The following NLRP10 variants were observed in gnomAD, a reference collection of about 807,000 sequenced individuals.
NLRP10 encodes the protein NACHT, LRR and PYD domains-containing protein 10.
In NLRP10, 7 loss-of-function variants were observed where a neutral mutation model predicts 8.2. That is an observed-to-expected ratio of 0.85 (90% CI 0.48 to 1.60). The LOEUF (loss-of-function observed/expected upper bound fraction) is 1.60, where lower values mean the gene tolerates loss of function less well. NLRP10 is among the 40% of genes most tolerant of loss of function. The pLI, the probability that NLRP10 is intolerant of heterozygous loss-of-function variation, is 0.00. For synonymous variants in NLRP10, 338 were observed against 314.0 expected (o/e 1.08, Z -0.81); for missense variants, 814 against 776.3 (o/e 1.05, Z -0.58).
chr11:7,960,798 T>C lies in NLRP10; in HGVS notation c.814A>G (p.Ser272Gly). ...LKKRGLSPKE[S>G]LLHLLIRRHT... Reference sequence around the variant, plus strand: ...CTCCTAATTAGAAGGTGCAGCAGGCTCTCCTTGGGACTCAAACCCCTCTTC... The same window carrying C: ...CTCCTAATTAGAAGGTGCAGCAGGCCCTCCTTGGGACTCAAACCCCTCTTC... The change falls in exon 3 of 3, where the codon AGC becomes GGC. Residue 272 changes from serine to glycine, a missense_variant. Coordinates refer to ENST00000691676, the MANE Select transcript of NLRP10 (RefSeq NM_001391958.1). 1.9e-6 allele frequency: 3 copies of C among 1,614,024 alleles called. No homozygotes were observed. The highest frequency in any genetic ancestry group is 2.5e-6 in the Non-Finnish European group (3 of 1,179,994).
chr11:7,959,725 A>T lies in NLRP10; in HGVS notation c.1887T>A (p.Asp629Glu), dbSNP rs199475856. The change falls in exon 3 of 3, where the codon GAT becomes GAA. Residue 629 changes from aspartate to glutamate, a missense_variant. Transcript: ENST00000691676. The stretch of plus-strand genomic sequence containing the variant: ...CTTCCTTTTGTGTTCCTGCTATATT[A>T]TCTTTGCCCTCCTTCTGTCCATGGA... ...PSVHGQKEGK[D>E]NIAGTQKEAS... The T allele has an allele frequency of 2.5e-6, 4 of 1,611,674 alleles. No individual in the cohort carries two copies. The highest frequency in any genetic ancestry group is 3.4e-6 in the Non-Finnish European group (4 of 1,179,498).
Position 7,960,018 on chromosome 11 carries a change from T to C in NLRP10, c.1594A>G (p.Lys532Glu). The change falls in exon 3 of 3, where the codon AAG (lysine) becomes GAG (glutamate). Residue 532 changes from lysine to glutamate, a missense_variant. By Grantham distance (56) the Lys-to-Glu change is moderately conservative. Transcript: ENST00000691676. ...KKDSFSNLEL[K>E]FCFRISPCLA... ...CAGGGAGAAATTCTGAAGCAGAACT[T>C]GAGCTCCAAGTTCGAGAAGCTGTCT... The C allele has an allele frequency of 6.2e-7, 1 of 1,613,978 alleles. No individual in the cohort carries two copies. The highest frequency in any genetic ancestry group is 8.5e-7 in the Non-Finnish European group (1 of 1,179,868).
In NLRP10 at chr11:7,963,533, C is replaced by G; in HGVS notation, c.-38G>C. ...GAAGGATCAAGTCCAGACCAGAAGA[C>G]CAGTGACCTGGAGAAAGAGGCAAAA... is the stretch of plus-strand genomic sequence containing the variant. On this transcript the variant is annotated 5_prime_UTR_variant, in exon 2 of 3. Transcript: ENST00000691676. The G allele has an allele frequency of 6.4e-7, 1 of 1,564,934 alleles. No homozygotes were observed. The highest frequency in any genetic ancestry group is 1.4e-5 in the African/African-American group (1 of 73,426).
rs149645436 is a variant in NLRP10, at chr11:7,963,370, G to T, written c.126C>A (p.Pro42=). 3.7e-6 allele frequency: 6 copies of T among 1,613,954 alleles called. No homozygotes were observed. In the African/African-American group the frequency reaches 8.0e-5, roughly 22 times the overall value. Residue 42 remains proline, a synonymous_variant, in exon 2 of 3, where the codon CCC becomes CCA. Transcript: ENST00000691676. ...LRDMTLSEGQ[P]PLARGELEGL... ...CCTCCAACTCCCCTCTGGCCAGTGG[G>T]GGCTGGCCCTCAGACAGGGTCATAT...
At position 7,958,862 on chromosome 11, in the gene NLRP10, AT is replaced by A. The variant is rs952126060; in HGVS notation, c.*781del. On this transcript the variant is annotated 3_prime_UTR_variant, in exon 3 of 3. Coordinates refer to ENST00000691676, the MANE Select transcript of NLRP10 (RefSeq NM_001391958.1). ...TTATTGAGTTTTAAGAGCTATTTGT[AT>A]TTTTTTTTACCCAAGTCTTTTATCA... 2.6e-5 allele frequency among the ~76,000 whole-genome samples: 4 copies of A among 151,144 alleles called. No individual in the cohort carries two copies. Among genetic ancestry groups the A allele is most frequent in the African/African-American group, 9.7e-5 (4 of 41,166 alleles).
chr11:7,962,231 CTTTTTTTTT>C (rs71452435), intron 2 of NLRP10, among the ~76,000 whole-genome samples: 15 of 66,994 alleles, frequency 2.2e-4, no homozygotes, highest in South Asian at 7.8e-4. Context: ...TAAGCCTGTT[CTTTTTTTTT>C]TTTTTTTTTT....
At chr11:7,962,147 C>T (rs570208028) in intron 2 of NLRP10, among the ~76,000 whole-genome samples, 1 of 151,604 alleles carries the variant, frequency 6.6e-6, no homozygotes, top group Admixed American at 6.6e-5. Context: ...AAACCATGAG[C>T]CAAATAAACC....
chr11:7,960,403 C>T lies in NLRP10; in HGVS notation c.1209G>A (p.Glu403=). ...TCCTCAGGACCCTGTGCCGGGAAAG[C>T]TCGGAGCAGCCCCCATCATCATCGG... The part of the protein sequence containing the change: ...LPPDDDGGCS[E]LSRHRVLRSL... Residue 403 remains glutamate (E), a synonymous_variant, in exon 3 of 3, where the codon GAG becomes GAA. Transcript: ENST00000691676. The T allele has an allele frequency of 1.2e-6, 2 of 1,614,072 alleles. No individual in the cohort carries two copies. The highest frequency in any genetic ancestry group is 8.5e-7 in the Non-Finnish European group (1 of 1,180,040).
chr11:7,963,619 C>G (rs747691164), intron 1 of NLRP10, 79 bp from the exon 2 acceptor site: 1 of 770,400 alleles, frequency 1.3e-6, no homozygotes, highest in Admixed American at 2.9e-5. Flanking sequence ...AGTTATAGAG[C>G]GGAGGCCAGG....
intron 2 of NLRP10, among the ~76,000 whole-genome samples, chr11:7,962,864 G>C (rs77042198): frequency 0.022 from 3,288 of 152,226 alleles, 56 homozygotes; most frequent in Non-Finnish European, 0.03. Context: ...CCTACATCCT[G>C]ATGCTATTTC....
At chr11:7,964,123 T>C (rs560805268) in intron 1 of NLRP10, among the ~76,000 whole-genome samples, 197 of 152,194 alleles carry the variant, frequency 1.3e-3, no homozygotes, top group African/African-American at 4.6e-3. Flanking sequence ...GGTTTCACCA[T>C]ACGGGCCCGG....
chr11:7,960,390 T>A lies in NLRP10; in HGVS notation c.1222A>T (p.Arg408Trp). The change falls in exon 3 of 3, where the codon AGG becomes TGG. Residue 408 changes from arginine to tryptophan, a missense_variant. Coordinates refer to ENST00000691676, the MANE Select transcript of NLRP10 (RefSeq NM_001391958.1). ...DGGCSELSRH[R>W]VLRSLCSLAA... Reference sequence around the variant, plus strand: ...AGGGAGCACAGACTCCTCAGGACCCTGTGCCGGGAAAGCTCGGAGCAGCCC... The same window carrying A: ...AGGGAGCACAGACTCCTCAGGACCCAGTGCCGGGAAAGCTCGGAGCAGCCC... 6.2e-7 allele frequency: 1 copy of A among 1,614,050 alleles called. No homozygotes were observed. Among genetic ancestry groups the A allele is most frequent in the Non-Finnish European group, 8.5e-7 (1 of 1,180,034 alleles).
Position 7,960,307 on chromosome 11 carries a change from T to A in NLRP10, c.1305A>T (p.Lys435Asn), listed in dbSNP as rs113717245. ...RFLFEEAELR[K>N]HNLDGPRLAA... Reference sequence around the variant, plus strand: ...CAAGCCTGGGGCCATCTAAATTATGTTTCCTGAGCTCAGCTTCTTCAAATA... The same window carrying A: ...CAAGCCTGGGGCCATCTAAATTATGATTCCTGAGCTCAGCTTCTTCAAATA... The change falls in exon 3 of 3, where the codon AAA becomes AAT. Residue 435 changes from lysine to asparagine, a missense_variant. Lys to Asn is a moderately conservative substitution (Grantham distance 94). Coordinates refer to ENST00000691676, the MANE Select transcript of NLRP10 (RefSeq NM_001391958.1). 6.7e-4 allele frequency: 1,075 copies of A among 1,614,184 alleles called. 5 individuals carry two copies. In the African/African-American group the frequency reaches 0.012, roughly 18 times the overall value.
Position 7,960,542 on chromosome 11 carries a change from C to T in NLRP10, c.1070G>A (p.Cys357Tyr). The stretch of plus-strand genomic sequence containing the variant: ...CTGCAGCCAGGAGCAGACCACCCAG[C>T]AAATGCCTGGAACCTGACACGCTTT... ...LYKACQVPGI[C>Y]WVVCSWLQGQ... Residue 357 changes from cysteine (C) to tyrosine (Y), a missense_variant, in exon 3 of 3, where the codon TGC becomes TAC. Transcript: ENST00000691676. The T allele has an allele frequency of 6.2e-7, 1 of 1,614,190 alleles. No homozygotes were observed. Among genetic ancestry groups the T allele is most frequent in the Non-Finnish European group, 8.5e-7 (1 of 1,180,036 alleles).
rs1311931708 is a variant in NLRP10, at chr11:7,961,113, A to G, written c.499T>C (p.Ser167Pro). The G allele has an allele frequency of 3.7e-6, 6 of 1,614,048 alleles. No homozygotes were observed. The highest frequency in any genetic ancestry group is 5.1e-6 in the Non-Finnish European group (6 of 1,179,996). Residue 167 changes from serine to proline, a missense_variant, in exon 3 of 3, where the codon TCC (serine) becomes CCC (proline). Transcript: ENST00000691676. ...GCCGACCCCTGTAGCACAACTAAGG[A>G]TGGGGCCAGTGAGGGCTTTTCCCCT... ...DSGEKPSLAP[S>P]LVVLQGSAGT...
chr11:7,963,160 G>C (rs116024859), intron 2 of NLRP10, 47 bp downstream of exon 2: 1 of 1,562,550 alleles, frequency 6.4e-7, no homozygotes, highest in African/African-American at 1.3e-5. Flanking sequence ...GGTGGGAGGG[G>C]AGTCCCAGTG....
At position 7,963,365 on chromosome 11, in the gene NLRP10, A is replaced by C. The variant is rs768390527; in HGVS notation, c.131T>G (p.Leu44Arg). 4 of 1,614,108 alleles carry C rather than the reference A, an allele frequency of 2.5e-6. No homozygotes were observed. The African/African-American group carries it at 4.0e-5, about 16-fold the overall frequency. ...CAGGCCCTCCAACTCCCCTCTGGCC[A>C]GTGGGGGCTGGCCCTCAGACAGGGT... Reference protein sequence around the residue: ...DMTLSEGQPPLARGELEGLIP... With the variant: ...DMTLSEGQPPRARGELEGLIP... The change falls in exon 2 of 3, where the codon CTG (leucine) becomes CGG (arginine). Residue 44 changes from leucine (L) to arginine (R), a missense_variant. By Grantham distance (102) the Leu-to-Arg change is moderately radical (BLOSUM62 -2). Transcript: ENST00000691676.
At position 7,960,303 on chromosome 11, in the gene NLRP10, T is replaced by G; in HGVS notation, c.1309A>C (p.Asn437His). 6.2e-7 allele frequency: 1 copy of G among 1,614,118 alleles called. No individual in the cohort carries two copies. The highest frequency in any genetic ancestry group is 8.5e-7 in the Non-Finnish European group (1 of 1,180,008). The change falls in exon 3 of 3, where the codon AAT becomes CAT. Residue 437 changes from asparagine to histidine, a missense_variant. Coordinates refer to ENST00000691676, the MANE Select transcript of NLRP10 (RefSeq NM_001391958.1). The stretch of plus-strand genomic sequence containing the variant: ...GCGGCAAGCCTGGGGCCATCTAAAT[T>G]ATGTTTCCTGAGCTCAGCTTCTTCA... ...LFEEAELRKH[N>H]LDGPRLAAFL...
At chr11:7,963,088 A>G (rs1941760302) in intron 2 of NLRP10, 119 bp downstream of exon 2, 6 of 956,730 alleles carry the variant, frequency 6.3e-6, no homozygotes, top group Non-Finnish European at 9.4e-6. Context: ...GGCACCAGGG[A>G]CTAGAGGACA....
Sources: gnomAD v4.1 joint callset for allele counts (sites outside exome capture counted in the v4.1 genomes callset) on GRCh38, gnomAD v4.1.1 for gene constraint, MANE v1.5 for transcripts, NCBI Gene and HGNC (gene_info 2026-07-23, HGNC 2026-07-21) for gene names.